ITGA8: variants seen among roughly 807,000 people sequenced by gnomAD.
ITGA8 encodes the protein integrin alpha-8.
In ITGA8, 91 loss-of-function variants were observed where a neutral mutation model predicts 142.3. The ratio of observed to expected loss-of-function variants is 0.64; its 90% confidence interval spans 0.54 to 0.76. ITGA8 has a LOEUF of 0.76. Among genes scored for constraint, ITGA8 ranks in the 30% least tolerant of loss-of-function variants. ITGA8 has a pLI of 0.00. For missense variants in ITGA8, 1,406 were observed against 1,327.7 expected (o/e 1.06, Z -0.92); for synonymous variants, 505 against 485.2 (o/e 1.04, Z -0.54).
At chr10:15,522,308 C>A (rs1368997131) in intron 28 of ITGA8, among the ~76,000 whole-genome samples, 1 of 152,026 alleles carries the variant, frequency 6.6e-6, no homozygotes, top group Non-Finnish European at 1.5e-5. Flanking sequence ...TGTTATGTAC[C>A]CTTCCTTAGT....
chr10:15,637,932 G>A lies in ITGA8; in HGVS notation c.1399+6098C>T, dbSNP rs1030671061. ...AAAAAATACATACATAGATGTTTGA[G>A]TATATATATCTGTGAATGAGAGAGA... On this transcript the variant is annotated intron_variant, in intron 13 of 29. Transcript: ENST00000378076. 2.0e-5 allele frequency among the ~76,000 whole-genome samples: 3 copies of A among 151,802 alleles called. No homozygotes were observed. In the East Asian group the frequency reaches 5.8e-4, roughly 29 times the overall value.
Position 15,688,001 on chromosome 10 carries a change from A to G in ITGA8, c.381T>C (p.Pro127=). Residue 127 remains proline, a synonymous_variant, in exon 3 of 30, where the codon CCT becomes CCC. Coordinates refer to ENST00000378076, the MANE Select transcript of ITGA8 (RefSeq NM_003638.3). ...RKIRVNGTKE[P]IEFKSNQWFG... is the part of the protein sequence containing the mutation. Reference sequence around the variant, plus strand: ...ACCACTGATTGGATTTGAACTCGATAGGTTCTTTGGTTCCATTAACTCTGA... The same window carrying G: ...ACCACTGATTGGATTTGAACTCGATGGGTTCTTTGGTTCCATTAACTCTGA... 2 of 1,613,606 alleles carry G rather than the reference A, an allele frequency of 1.2e-6. No homozygotes were observed. The highest frequency in any genetic ancestry group is 1.7e-6 in the Non-Finnish European group (2 of 1,179,496).
intron 13 of ITGA8, among the ~76,000 whole-genome samples, chr10:15,641,120 A>G (rs1833864020): frequency 6.6e-6 from 1 of 152,070 alleles, no homozygotes; most frequent in African/African-American, 2.4e-5. Flanking sequence ...GTGGCGCGAT[A>G]TCGGCTCACT....
At chr10:15,700,164 G>A (rs1456488288) in intron 2 of ITGA8, among the ~76,000 whole-genome samples, 1 of 152,166 alleles carries the variant, frequency 6.6e-6, no homozygotes, top group Non-Finnish European at 1.5e-5. Flanking sequence ...CAGTGGCAGA[G>A]ATACTTTTCT....
chr10:15,677,120 G>C (rs1221774813), intron 6 of ITGA8, among the ~76,000 whole-genome samples: 1 of 152,220 alleles, frequency 6.6e-6, no homozygotes, highest in Non-Finnish European at 1.5e-5. Flanking sequence ...GTGGAAAAGT[G>C]GTTACTAGAG....
At chr10:15,595,711 C>T (rs1833000193) in intron 21 of ITGA8, among the ~76,000 whole-genome samples, 1 of 152,124 alleles carries the variant, frequency 6.6e-6, no homozygotes. Context: ...CAGATGCTGA[C>T]ACTGTTACTA....
intron 27 of ITGA8, among the ~76,000 whole-genome samples, chr10:15,539,532 A>G (rs747748645): frequency 2.0e-5 from 3 of 152,150 alleles, no homozygotes; most frequent in Non-Finnish European, 4.4e-5. Flanking sequence ...CAGGAAATAA[A>G]AGAACAATCA....
At chr10:15,534,578 T>G (rs1191465792) in intron 27 of ITGA8, among the ~76,000 whole-genome samples, 1 of 152,212 alleles carries the variant, frequency 6.6e-6, no homozygotes, top group Non-Finnish European at 1.5e-5. Flanking sequence ...ATCCATTTGA[T>G]GGCAATTATG....
intron 13 of ITGA8, among the ~76,000 whole-genome samples, chr10:15,621,645 G>A (rs1002991986): frequency 3.3e-5 from 5 of 152,034 alleles, no homozygotes; most frequent in South Asian, 2.1e-4. Context: ...GGGAGGGAGA[G>A]TGAACCCCTC....
At chr10:15,534,393 AC>A in intron 27 of ITGA8, among the ~76,000 whole-genome samples, 1 of 152,330 alleles carries the variant, frequency 6.6e-6, no homozygotes, top group East Asian at 1.9e-4. Context: ...ACTATATGAT[AC>A]AAAGATGCAA....
intron 22 of ITGA8, 86 bp downstream of exon 22, chr10:15,592,139 C>T: frequency 2.2e-6 from 2 of 923,100 alleles, no homozygotes; most frequent in South Asian, 1.8e-5. Context: ...CTTTTAAGGC[C>T]AAGGGCCTTG....
Position 15,616,506 on chromosome 10 carries a change from C to A in ITGA8, c.1445+8G>T, listed in dbSNP as rs1833394054. Reference sequence around the variant, plus strand: ...GAGAAAAACATTTGAATACTACCAACCACATACCTGTAAACAGCGACTTTT... The same window carrying A: ...GAGAAAAACATTTGAATACTACCAAACACATACCTGTAAACAGCGACTTTT... On this transcript the variant is annotated splice_region_variant and intron_variant, in intron 14 of 29. Transcript: ENST00000378076. The A allele has an allele frequency of 1.2e-6, 2 of 1,602,506 alleles. No homozygotes were observed. Among genetic ancestry groups the A allele is most frequent in the Non-Finnish European group, 1.7e-6 (2 of 1,170,726 alleles).
chr10:15,592,192 G>A, intron 22 of ITGA8, 33 bp downstream of exon 22: 2 of 1,486,686 alleles, frequency 1.3e-6, no homozygotes, highest in East Asian at 2.3e-5. Context: ...TCTTTTGACT[G>A]CTGTCAACGA....
At chr10:15,580,956 A>G (rs1448875679) in intron 23 of ITGA8, among the ~76,000 whole-genome samples, 1 of 152,234 alleles carries the variant, frequency 6.6e-6, no homozygotes, top group Non-Finnish European at 1.5e-5. Context: ...TGAAAGGCAT[A>G]AGTATGTAAC....
chr10:15,711,432 T>G (rs1835362066), intron 2 of ITGA8, among the ~76,000 whole-genome samples: 1 of 152,204 alleles, frequency 6.6e-6, no homozygotes, highest in Non-Finnish European at 1.5e-5. Flanking sequence ...AATCATCATA[T>G]CAAATATGTA....
chr10:15,666,704 A>T (rs2131679140), intron 8 of ITGA8, among the ~76,000 whole-genome samples: 1 of 152,250 alleles, frequency 6.6e-6, no homozygotes, highest in East Asian at 1.9e-4. Flanking sequence ...TCAATACCTA[A>T]TTTATTGAGA....
At chr10:15,552,464 A>G (rs1833808701) in intron 26 of ITGA8, among the ~76,000 whole-genome samples, 1 of 152,158 alleles carries the variant, frequency 6.6e-6, no homozygotes. Context: ...AATCATTAAT[A>G]CTGCATATGT....
intron 2 of ITGA8, among the ~76,000 whole-genome samples, chr10:15,717,307 C>G (rs1203956988): frequency 6.6e-6 from 1 of 152,142 alleles, no homozygotes; most frequent in African/African-American, 2.4e-5. Flanking sequence ...GTTAATGATT[C>G]ATGTCTTTAT....
chr10:15,624,755 T>A (rs573643665), intron 13 of ITGA8, among the ~76,000 whole-genome samples: 1 of 152,304 alleles, frequency 6.6e-6, no homozygotes, highest in South Asian at 2.1e-4. Flanking sequence ...TATAGTTGTT[T>A]AGATAAACCA....
Sources: gnomAD v4.1 joint callset for allele counts (sites outside exome capture counted in the v4.1 genomes callset) on GRCh38, gnomAD v4.1.1 for gene constraint, MANE v1.5 for transcripts, NCBI Gene and HGNC (gene_info 2026-07-23, HGNC 2026-07-21) for gene names.